The following S100Z variants were observed in gnomAD, a reference collection of about 807,000 sequenced individuals.
The protein encoded by S100Z is protein S100-Z.
Under a neutral mutation model 8.5 loss-of-function variants are expected in S100Z, and 11 were observed. The ratio of observed to expected loss-of-function variants is 1.30; its 90% CI spans 0.82 to 2.15. The LOEUF is 2.15. Ranked by LOEUF, S100Z falls within the 30% of genes most tolerant of loss-of-function variation. The pLI is 0.00. For synonymous variants in S100Z, 34 were observed against 43.8 expected, an observed-to-expected ratio of 0.78 and a Z score of 0.89; for missense variants, 126 against 117.9, an observed-to-expected ratio of 1.07 and a Z score of -0.32.
At chr5:76,885,009 T>C (rs959248462) in intron 4 of S100Z, among the ~76,000 whole-genome samples, 1 of 152,198 alleles carries the variant, frequency 6.6e-6, no homozygotes, top group Non-Finnish European at 1.5e-5. Context: ...TCAGACCATT[T>C]GCCCATTTTT....
the S100Z span, among the ~76,000 whole-genome samples, chr5:76,929,625 TG>T: frequency 1.1e-4 from 16 of 152,116 alleles, no homozygotes; most frequent in African/African-American, 3.6e-4. Context: ...AGATGGAAGC[TG>T]GGGTCATTAT....
At chr5:76,903,685 C>T in intron 4 of S100Z, among the ~76,000 whole-genome samples, 1 of 151,288 alleles carries the variant, frequency 6.6e-6, no homozygotes, top group East Asian at 1.9e-4. Flanking sequence ...TGATTTTGAG[C>T]ATTTCTTTAT....
At chr5:76,915,637 TAAATA>T (rs1208375372) in intron 4 of S100Z, among the ~76,000 whole-genome samples, 3 of 151,012 alleles carry the variant, frequency 2.0e-5, no homozygotes, top group Admixed American at 6.6e-5. Context: ...AAAATAAAAA[TAAATA>T]AATAAATAAA....
chr5:76,916,435 C>T (rs185089130), intron 4 of S100Z, among the ~76,000 whole-genome samples: 49 of 151,134 alleles, frequency 3.2e-4, no homozygotes, highest in Non-Finnish European at 5.2e-4. Context: ...CATCAATTAA[C>T]AGGATTGAAC....
intron 1 of S100Z, among the ~76,000 whole-genome samples, chr5:76,868,768 C>T (rs1580003043): frequency 6.6e-6 from 1 of 152,026 alleles, no homozygotes; most frequent in South Asian, 2.1e-4. Flanking sequence ...GGACTACAGG[C>T]GCATGCCACC....
the S100Z span, among the ~76,000 whole-genome samples, chr5:76,942,947 A>C: frequency 7.2e-5 from 11 of 152,340 alleles, no homozygotes; most frequent in South Asian, 1.9e-3. Context: ...TTAAAACAAC[A>C]GTCATTTATT....
At chr5:76,863,743 T>G (rs942283437) in intron 1 of S100Z, among the ~76,000 whole-genome samples, 1 of 152,042 alleles carries the variant, frequency 6.6e-6, no homozygotes, top group Admixed American at 6.6e-5. Flanking sequence ...TTTCACCGTG[T>G]TAGCCAGGAT....
intron 1 of S100Z, among the ~76,000 whole-genome samples, chr5:76,855,616 C>A (rs1366617027): frequency 6.6e-6 from 1 of 152,128 alleles, no homozygotes; most frequent in African/African-American, 2.4e-5. Flanking sequence ...ATATCTATAC[C>A]CCCAGTTGTA....
rs1310585998 is a variant in S100Z at position 76,867,030 on chromosome 5, C to T, written c.-175-3136C>T. 2.6e-5 allele frequency among the ~76,000 whole-genome samples: 4 copies of T among 152,174 alleles called. No individual in the cohort carries two copies. The East Asian group carries it at 5.8e-4, about 22-fold the overall frequency. ...GTCAGACAAGCATGGGTCTGAGTCTCAGCTCTGCTACGACATAGTTGTGCG... is the reference window on the plus strand; with the variant it reads ...GTCAGACAAGCATGGGTCTGAGTCTTAGCTCTGCTACGACATAGTTGTGCG... On this transcript the variant is annotated intron_variant, in intron 1 of 4. Coordinates refer to ENST00000317593, the MANE Select transcript of S100Z (RefSeq NM_130772.4).
intron 1 of S100Z, among the ~76,000 whole-genome samples, chr5:76,859,997 G>A (rs967624300): frequency 3.3e-5 from 5 of 152,100 alleles, no homozygotes; most frequent in Admixed American, 2.0e-4. Context: ...CAAGGGCAGG[G>A]CACTCTGGAG....
intron 4 of S100Z, among the ~76,000 whole-genome samples, chr5:76,912,084 G>A (rs1258822176): frequency 5.4e-5 from 4 of 74,676 alleles, no homozygotes; most frequent in East Asian, 3.1e-4. Context: ...GGGTAGTTGC[G>A]GCGTTGGCTT....
Position 76,905,359 on chromosome 5 carries a change from A to G in S100Z, c.*3-15358A>G, listed in dbSNP as rs142280160. On this transcript the variant is annotated intron_variant, in intron 4 of 4. Transcript: ENST00000317593. Reference sequence around the variant, plus strand: ...CTTATTTCTTGAAAATTTTTTTACAATTTTAGGCTCCACATTTAAATCTAT... The same window carrying G: ...CTTATTTCTTGAAAATTTTTTTACAGTTTTAGGCTCCACATTTAAATCTAT... 7.3e-3 allele frequency among the ~76,000 whole-genome samples: 1,103 copies of G among 152,002 alleles called. 14 individuals are homozygous for G. Among genetic ancestry groups the G allele is most frequent in the African/African-American group, 0.025 (1,043 of 41,454 alleles).
chr5:76,951,702 G>A, the S100Z span, among the ~76,000 whole-genome samples: 2 of 152,110 alleles, frequency 1.3e-5, no homozygotes, highest in Non-Finnish European at 2.9e-5. Flanking sequence ...TCAAAATTCA[G>A]GCATCTAAAC....
chr5:76,914,557 C>G (rs1236602065), intron 4 of S100Z, among the ~76,000 whole-genome samples: 3 of 152,126 alleles, frequency 2.0e-5, no homozygotes, highest in African/African-American at 7.2e-5. Flanking sequence ...CGCAATAAAT[C>G]TTGCTGCTGC....
chr5:76,940,225 ACT>A, the S100Z span, among the ~76,000 whole-genome samples: 7 of 152,010 alleles, frequency 4.6e-5, no homozygotes, highest in African/African-American at 1.7e-4. Flanking sequence ...AAAAAAAGCA[ACT>A]GTCAAAAAAT....
the S100Z span, among the ~76,000 whole-genome samples, chr5:76,931,055 G>A: frequency 6.6e-6 from 1 of 152,010 alleles, no homozygotes; most frequent in African/African-American, 2.4e-5. Flanking sequence ...TTGTAGGTGG[G>A]TGAGCAGGGA....
At chr5:76,907,311 T>C (rs1009117268) in intron 4 of S100Z, among the ~76,000 whole-genome samples, 2 of 151,978 alleles carry the variant, frequency 1.3e-5, no homozygotes, top group African/African-American at 4.8e-5. Context: ...TAGTAATTCT[T>C]TTGTTTTTTT....
At chr5:76,866,357 T>C (rs1742732003) in intron 1 of S100Z, among the ~76,000 whole-genome samples, 1 of 152,158 alleles carries the variant, frequency 6.6e-6, no homozygotes, top group African/African-American at 2.4e-5. Flanking sequence ...AGTGCTAGGA[T>C]TACAGATATG....
the S100Z span, among the ~76,000 whole-genome samples, chr5:76,926,978 A>G: frequency 6.6e-6 from 1 of 152,250 alleles, no homozygotes; most frequent in East Asian, 1.9e-4. Context: ...CTCTTAAGAC[A>G]ATGTCTTTAA....
Sources: gnomAD v4.1 joint callset for allele counts (sites outside exome capture counted in the v4.1 genomes callset) on GRCh38, gnomAD v4.1.1 for gene constraint, MANE v1.5 for transcripts, NCBI Gene and HGNC (gene_info 2026-07-23, HGNC 2026-07-21) for gene names.